Variants in ENPEP observed in about 807,000 individuals in gnomAD.
The protein encoded by ENPEP is AP-A.
ENPEP carries 103 observed loss-of-function variants against 114.5 expected under a neutral mutation model. The ratio of observed to expected loss-of-function variants is 0.90; its 90% CI spans 0.77 to 1.06. ENPEP has a LOEUF of 1.06. Ranked by LOEUF, ENPEP falls within the 50% of genes least tolerant of loss-of-function variation. The pLI, the probability that ENPEP is intolerant of heterozygous loss-of-function variation, is 0.00. For missense variants in ENPEP, 1,196 were observed against 1,161.3 expected, an observed-to-expected ratio of 1.03 and a Z score of -0.43; for synonymous variants, 420 against 422.0, an observed-to-expected ratio of 1.00 and a Z score of 0.06.
chr4:110,528,325 A>G (rs1726275278), intron 10 of ENPEP, among the ~76,000 whole-genome samples: 2 of 152,254 alleles, frequency 1.3e-5, no homozygotes, highest in South Asian at 4.1e-4. Context: ...AAGAACCATT[A>G]TAGCAAAAGG....
chr4:110,530,461 A>G (rs898465214), intron 10 of ENPEP, among the ~76,000 whole-genome samples: 1 of 152,226 alleles, frequency 6.6e-6, no homozygotes, highest in East Asian at 1.9e-4. Flanking sequence ...CCTTCTCTCC[A>G]GATCTGCATT....
chr4:110,543,738 A>G (rs1216989349), intron 13 of ENPEP, among the ~76,000 whole-genome samples: 2 of 152,006 alleles, frequency 1.3e-5, no homozygotes, highest in East Asian at 1.9e-4. Flanking sequence ...GACACAGCCA[A>G]TTTTATTTCT....
chr4:110,559,851 G>C lies in ENPEP; in HGVS notation c.2721+126G>C. The C allele has an allele frequency of 8.5e-6, 6 of 706,926 alleles. No individual in the cohort carries two copies. In the South Asian group the frequency reaches 1.1e-4, roughly 13 times the overall value. 43.8% of individuals were successfully genotyped at this position (706,926 alleles called of 1,614,324 possible). On this transcript the variant is annotated intron_variant, in intron 19 of 19. Transcript: ENST00000265162. ...GCAGGTTTGTTACGTAGGTATACAC[G>C]TGCCATGGTGGTTTGCTGCACCTAT...
chr4:110,514,402 A>G (rs1368619787), intron 7 of ENPEP, among the ~76,000 whole-genome samples: 3 of 152,036 alleles, frequency 2.0e-5, no homozygotes, highest in Non-Finnish European at 4.4e-5. Flanking sequence ...TCCCTCTCAT[A>G]TGATTCCCAT....
At chr4:110,560,383 G>C (rs1382947867) in intron 19 of ENPEP, among the ~76,000 whole-genome samples, 10 of 152,152 alleles carry the variant, frequency 6.6e-5, no homozygotes, top group Non-Finnish European at 1.5e-4. Flanking sequence ...AAGACAATGA[G>C]AAAGAAAATT....
In ENPEP at chr4:110,476,257, G is replaced by T. The variant is rs1724091500; in HGVS notation, c.-158G>T. The T allele has an allele frequency of 1.2e-6, 1 of 848,162 alleles. No homozygotes were observed. Among genetic ancestry groups the T allele is most frequent in the Non-Finnish European group, 1.7e-6 (1 of 576,540 alleles). 52.5% of individuals were successfully genotyped at this position (848,162 alleles called of 1,614,324 possible). A position where few individuals can be genotyped will look rare whatever the true frequency, so the allele number is the denominator to read the frequency against. ...TGGCTGGTGGGAACGTGAAAAGGGA[G>T]AGGAAAAGGCGCAAGAAGCCAGAGA... On this transcript the variant is annotated 5_prime_UTR_variant, in exon 1 of 20. Coordinates refer to ENST00000265162, the MANE Select transcript of ENPEP (RefSeq NM_001977.4).
chr4:110,551,186 G>A (rs1376631024), intron 17 of ENPEP, among the ~76,000 whole-genome samples: 1 of 151,906 alleles, frequency 6.6e-6, no homozygotes. Flanking sequence ...ATTGTATCTG[G>A]TAAGAAAATT....
intron 6 of ENPEP, among the ~76,000 whole-genome samples, chr4:110,511,519 A>C (rs1725574731): frequency 6.6e-6 from 1 of 152,206 alleles, no homozygotes; most frequent in African/African-American, 2.4e-5. Context: ...AATTTATTGA[A>C]AATAAACTGT....
intron 3 of ENPEP, 102 bp downstream of exon 3, chr4:110,491,266 T>C (rs1259980233): frequency 5.1e-6 from 6 of 1,175,780 alleles, no homozygotes; most frequent in Non-Finnish European, 7.0e-6. Flanking sequence ...ACAACATGCC[T>C]GAAAAGCCCT....
At chr4:110,547,035 C>T (rs1378463543) in intron 13 of ENPEP, among the ~76,000 whole-genome samples, 1 of 152,060 alleles carries the variant, frequency 6.6e-6, no homozygotes, top group Non-Finnish European at 1.5e-5. Context: ...CTACTTAACT[C>T]AGGCTTCTCT....
intron 11 of ENPEP, among the ~76,000 whole-genome samples, chr4:110,540,675 A>C (rs947097930): frequency 6.6e-6 from 1 of 152,188 alleles, no homozygotes; most frequent in Non-Finnish European, 1.5e-5. Flanking sequence ...CATATAAAGC[A>C]CACTAAAATA....
Position 110,510,366 on chromosome 4 carries a change from C to T in ENPEP, c.1308+8C>T, listed in dbSNP as rs1725529712. The stretch of plus-strand genomic sequence containing the variant: ...GAAACAGACTGGCAAATGGTGAGTC[C>T]TAAACACATAAACTTGAAATCTCTC... On this transcript the variant is annotated splice_region_variant and intron_variant, in intron 6 of 19. Coordinates refer to ENST00000265162, the MANE Select transcript of ENPEP (RefSeq NM_001977.4). 2 of 1,599,188 alleles carry T rather than the reference C, an allele frequency of 1.3e-6. No individual in the cohort carries two copies. The highest frequency in any genetic ancestry group is 4.5e-5 in the East Asian group (2 of 44,792).
intron 6 of ENPEP, among the ~76,000 whole-genome samples, chr4:110,512,050 C>T (rs1725597308): frequency 6.6e-6 from 1 of 152,168 alleles, no homozygotes; most frequent in Non-Finnish European, 1.5e-5. Context: ...AGGCGTGAGC[C>T]ACCGAGCCCA....
In ENPEP at chr4:110,509,760, A is replaced by G. The variant is rs201272540; in HGVS notation, c.1147A>G (p.Asn383Asp). The G allele has an allele frequency of 7.4e-6, 12 of 1,614,232 alleles. No homozygotes were observed. Among genetic ancestry groups the G allele is most frequent in the Non-Finnish European group, 1.0e-5 (12 of 1,180,028 alleles). ...LYDPKESASS[N>D]QQRVATVVAH... ...TGACCCTAAGGAATCAGCCTCATCA[A>G]ACCAACAGAGGGTGGCCACTGTGGT... Residue 383 changes from asparagine to aspartate, a missense_variant, in exon 5 of 20, where the codon AAC (asparagine) becomes GAC (aspartate). Physicochemically the swap from Asn to Asp is conservative, Grantham distance 23 (BLOSUM62 1). Transcript: ENST00000265162.
At chr4:110,544,019 G>A (rs1026794479) in intron 13 of ENPEP, among the ~76,000 whole-genome samples, 9 of 152,154 alleles carry the variant, frequency 5.9e-5, no homozygotes, top group African/African-American at 2.2e-4. Flanking sequence ...ATAGAGAGGT[G>A]GAAGAATAGT....
At chr4:110,530,100 G>A (rs751004274) in intron 10 of ENPEP, among the ~76,000 whole-genome samples, 32 of 151,870 alleles carry the variant, frequency 2.1e-4, no homozygotes, top group Non-Finnish European at 7.4e-5. Context: ...AGAGAGAAAG[G>A]GGTCTAAGGA....
intron 18 of ENPEP, among the ~76,000 whole-genome samples, chr4:110,558,033 T>TTTTTTTTTTC (rs1491337252): frequency 8.5e-5 from 1 of 11,702 alleles, no homozygotes; most frequent in African/African-American, 4.2e-4. Context: ...TATGGTAGGA[T>TTTTTTTTTTC]TTTTTTTTTT....
intron 6 of ENPEP, chr4:110,512,742 T>C (rs1725625059): frequency 6.6e-6 from 1 of 152,228 alleles, no homozygotes; most frequent in Non-Finnish European, 1.5e-5. Context: ...CTGAGTCCTG[T>C]GCACAGTTCC....
At chr4:110,496,718 G>C (rs1157610181) in intron 3 of ENPEP, among the ~76,000 whole-genome samples, 1 of 152,082 alleles carries the variant, frequency 6.6e-6, no homozygotes, top group Non-Finnish European at 1.5e-5. Flanking sequence ...TCTCAGTTTG[G>C]GTTTGTGTGA....
Sources: allele counts gnomAD v4.1 joint callset (sites outside exome capture counted in the v4.1 genomes callset), GRCh38; gene constraint gnomAD v4.1.1; transcripts MANE v1.5; gene names NCBI Gene and HGNC (gene_info 2026-07-23, HGNC 2026-07-21).